The following MAGI1 variants were observed in gnomAD, a reference collection of about 807,000 sequenced individuals.
The protein encoded by MAGI1 is membrane associated guanylate kinase, WW and PDZ domain containing 1.
MAGI1 carries 58 observed loss-of-function variants against 139.9 expected under a neutral mutation model. The ratio of observed to expected loss-of-function variants is 0.41; its 90% CI spans 0.34 to 0.52. The LOEUF is 0.52. Ranked by LOEUF, MAGI1 falls within the 20% of genes least tolerant of loss-of-function variation. The pLI is 0.12. For missense variants in MAGI1, 1,874 were observed against 1,901.6 expected (o/e 0.99, Z 0.27); for synonymous variants, 812 against 737.9 (o/e 1.10, Z -1.63).
At chr3:65,875,619 T>TA (rs2060086837) in intron 1 of MAGI1, among the ~76,000 whole-genome samples, 1 of 152,198 alleles carries the variant, frequency 6.6e-6, no homozygotes, top group Admixed American at 6.6e-5. Context: ...TAAAGACACT[T>TA]ATCTCCTCCA....
At chr3:65,520,511 T>G (rs2078102964) in intron 2 of MAGI1, among the ~76,000 whole-genome samples, 1 of 152,164 alleles carries the variant, frequency 6.6e-6, no homozygotes, top group Non-Finnish European at 1.5e-5. Context: ...CTTGAGATAT[T>G]GTGAGGTTAC....
chr3:65,442,187 G>A (rs986959377), intron 8 of MAGI1, among the ~76,000 whole-genome samples: 2 of 151,742 alleles, frequency 1.3e-5, no homozygotes, highest in African/African-American at 2.4e-5. Flanking sequence ...CTAGAATAAG[G>A]CACACAGTAA....
intron 1 of MAGI1, chr3:65,844,310 C>T (rs1470372315): frequency 7.2e-5 from 24 of 331,488 alleles, no homozygotes; most frequent in South Asian, 2.1e-4. Flanking sequence ...AACTGATACA[C>T]GAGCTCTCCC....
chr3:65,485,432 C>T (rs548360730), intron 3 of MAGI1, among the ~76,000 whole-genome samples: 135 of 152,294 alleles, frequency 8.9e-4, no homozygotes, highest in African/African-American at 3.0e-3. Context: ...AGGGACCTCT[C>T]TCTCTTCAGC....
intron 1 of MAGI1, among the ~76,000 whole-genome samples, chr3:65,875,857 G>A (rs185178699): frequency 1.3e-5 from 2 of 152,276 alleles, no homozygotes; most frequent in African/African-American, 2.4e-5. Context: ...CCCTGAGACC[G>A]CTGTTATCCT....
At chr3:65,896,570 G>A (rs2060978677) in intron 1 of MAGI1, among the ~76,000 whole-genome samples, 1 of 152,152 alleles carries the variant, frequency 6.6e-6, no homozygotes, top group Non-Finnish European at 1.5e-5. Flanking sequence ...AGCTATGCAG[G>A]AGGCTGGGGC....
At chr3:65,427,844 T>C (rs1011238433) in intron 12 of MAGI1, among the ~76,000 whole-genome samples, 11 of 152,176 alleles carry the variant, frequency 7.2e-5, no homozygotes, top group African/African-American at 2.4e-4. Flanking sequence ...ATCACCATCA[T>C]CATTATTGTC....
At chr3:65,570,163 T>C (rs1464673324) in intron 2 of MAGI1, among the ~76,000 whole-genome samples, 1 of 150,852 alleles carries the variant, frequency 6.6e-6, no homozygotes, top group Non-Finnish European at 1.5e-5. Flanking sequence ...AGTACAGTGG[T>C]GCGATCTTGG....
chr3:65,497,898 G>A (rs1343078230), intron 2 of MAGI1, among the ~76,000 whole-genome samples: 1 of 152,058 alleles, frequency 6.6e-6, no homozygotes, highest in Admixed American at 6.5e-5. Context: ...GTGGGAAGGC[G>A]GGCAAGTCTC....
intron 3 of MAGI1, 142 bp from the exon 4 acceptor site, chr3:65,478,940 T>G: frequency 1.5e-6 from 1 of 657,862 alleles, no homozygotes; most frequent in South Asian, 1.9e-5. Flanking sequence ...ATTTCTGGAG[T>G]GGGTTAGAAG....
intron 1 of MAGI1, among the ~76,000 whole-genome samples, chr3:65,778,451 A>AAAAAAAAAG (rs1180962724): frequency 3.3e-5 from 2 of 61,362 alleles, no homozygotes; most frequent in African/African-American, 9.8e-5. Flanking sequence ...AAAATAAATA[A>AAAAAAAAAG]ATAAGTCTTT....
chr3:65,836,381 A>G (rs185554511), intron 1 of MAGI1, among the ~76,000 whole-genome samples: 1 of 152,336 alleles, frequency 6.6e-6, no homozygotes, highest in East Asian at 1.9e-4. Context: ...CTGGTTTCTT[A>G]AAGAATCTCT....
At chr3:65,502,904 T>C (rs962196643) in intron 2 of MAGI1, among the ~76,000 whole-genome samples, 4 of 152,176 alleles carry the variant, frequency 2.6e-5, no homozygotes, top group Non-Finnish European at 5.9e-5. Context: ...CTCATACTAC[T>C]TTGGAGGGTG....
intron 1 of MAGI1, among the ~76,000 whole-genome samples, chr3:65,631,146 A>T (rs77961681): frequency 6.6e-6 from 1 of 152,368 alleles, no homozygotes; most frequent in Non-Finnish European, 1.5e-5. Flanking sequence ...GAAGAAGGAC[A>T]GGAAGGGGCA....
chr3:65,886,349 G>A (rs573939933), intron 1 of MAGI1, among the ~76,000 whole-genome samples: 2 of 152,172 alleles, frequency 1.3e-5, no homozygotes, highest in South Asian at 4.2e-4. Flanking sequence ...GTACATCAAA[G>A]GGATTTTTCA....
chr3:65,646,468 CTCTCTCTT>C (rs2085267305), intron 1 of MAGI1, among the ~76,000 whole-genome samples: 1 of 152,050 alleles, frequency 6.6e-6, no homozygotes. Flanking sequence ...TTTAACATCT[CTCTCTCTT>C]TCTCTCTCTC....
chr3:65,447,612 G>A (rs1336457029), intron 7 of MAGI1, among the ~76,000 whole-genome samples: 1 of 152,102 alleles, frequency 6.6e-6, no homozygotes, highest in Non-Finnish European at 1.5e-5. Flanking sequence ...ATTTTTGTTT[G>A]TCCTGCTTGG....
intron 1 of MAGI1, among the ~76,000 whole-genome samples, chr3:65,964,008 A>G (rs1431663522): frequency 1.3e-5 from 2 of 152,238 alleles, no homozygotes; most frequent in Non-Finnish European, 2.9e-5. Flanking sequence ...CAGATTCCTG[A>G]GTCTAGTTCA....
chr3:65,696,852 A>G (rs1033719866), intron 1 of MAGI1, among the ~76,000 whole-genome samples: 4 of 152,140 alleles, frequency 2.6e-5, no homozygotes, highest in Non-Finnish European at 4.4e-5. Context: ...AGCCCAGAAC[A>G]CTTGCTAGAA....
Sources: gnomAD v4.1 joint callset for allele counts (sites outside exome capture counted in the v4.1 genomes callset) on GRCh38, gnomAD v4.1.1 for gene constraint, MANE v1.5 for transcripts, NCBI Gene and HGNC (gene_info 2026-07-23, HGNC 2026-07-21) for gene names.